The following NOVA1 variants were observed in gnomAD, a reference collection of about 807,000 sequenced individuals.
NOVA1 encodes RNA-binding protein Nova-1.
In NOVA1, 7 loss-of-function variants were observed where a neutral mutation model predicts 38.0. The observed-to-expected ratio is 0.18, with a 90% CI of 0.10 to 0.35. NOVA1 has a LOEUF of 0.35. Ranked by LOEUF, NOVA1 falls within the 10% of genes least tolerant of loss-of-function variation. The probability of loss-of-function intolerance (pLI) is 1.00; values close to 1 mark genes in which losing one functional copy is unlikely to be tolerated. For synonymous variants in NOVA1, 270 were observed against 232.5 expected (o/e 1.16, Z -1.47); for missense variants, 460 against 616.0 (o/e 0.75, Z 2.68).
In NOVA1 at chr14:26,448,664, T is replaced by C; in HGVS notation, c.819A>G (p.Ala273=). Residue 273 remains alanine, a synonymous_variant, in exon 5 of 5, where the codon GCA becomes GCG. Coordinates refer to ENST00000539517, the MANE Select transcript of NOVA1 (RefSeq NM_002515.3). This position sits in a 1 kb window ranked among gnomAD's most constrained non-coding sequence, Gnocchi z 5.3. The stretch of plus-strand genomic sequence containing the variant: ...CAGTTGGTAACACTTCAGCAGTGTT[T>C]GCATAAGGAGATCCGGTTGGATTGG... ...ANSNPTGSPY[A]NTAEVLPTAA... 6.2e-7 allele frequency: 1 copy of C among 1,614,204 alleles called. No homozygotes were observed.
intron 4 of NOVA1, among the ~76,000 whole-genome samples, chr14:26,455,704 A>G (rs1330418580): frequency 6.7e-6 from 1 of 150,216 alleles, no homozygotes; most frequent in Non-Finnish European, 1.5e-5. Context: ...AGAAAAATAG[A>G]AAAAAAAAAT....
intron 2 of NOVA1, among the ~76,000 whole-genome samples, chr14:26,513,226 A>G (rs1185691458): frequency 6.6e-6 from 1 of 152,020 alleles, no homozygotes; most frequent in African/African-American, 2.4e-5. Flanking sequence ...TTGTTTTAAA[A>G]TGAATGTAAT....
intron 2 of NOVA1, among the ~76,000 whole-genome samples, chr14:26,570,103 T>C (rs748688006): frequency 6.6e-6 from 1 of 152,076 alleles, no homozygotes; most frequent in Non-Finnish European, 1.5e-5. Flanking sequence ...TCCCAATACC[T>C]TGGGAAGCAG....
Position 26,448,947 on chromosome 14 carries a change from G to T in NOVA1, c.536C>A (p.Pro179His). ...SRANQVKIIV[P>H]NSTAGLIIGK... ...TATTATCAGACCTGCTGTGCTGTTG[G>T]GAACTATAATCTTTACCTGTAATTA... is the stretch of plus-strand genomic sequence containing the variant. The change falls in exon 5 of 5, where the codon CCC becomes CAC. Residue 179 changes from proline (P) to histidine (H), a missense_variant. Coordinates refer to ENST00000539517, the MANE Select transcript of NOVA1 (RefSeq NM_002515.3). This position sits in a 1 kb window ranked among gnomAD's most constrained non-coding sequence, Gnocchi z 5.3. 1 of 1,610,460 alleles carries T rather than the reference G, an allele frequency of 6.2e-7. No homozygotes were observed. Among genetic ancestry groups the T allele is most frequent in the Non-Finnish European group, 8.5e-7 (1 of 1,178,186 alleles).
chr14:26,566,572 C>T lies in NOVA1; in HGVS notation c.280+28838G>A, dbSNP rs529596353. On this transcript the variant is annotated intron_variant, in intron 2 of 4. Coordinates refer to ENST00000539517, the MANE Select transcript of NOVA1 (RefSeq NM_002515.3). ...ATTATTATTATCATTATTACTATTT[C>T]ACTACATCTTCCTTATCATCTATTA... 2.0e-5 allele frequency among the ~76,000 whole-genome samples: 3 copies of T among 152,082 alleles called. No homozygotes were observed. In the South Asian group the frequency reaches 6.2e-4, roughly 32 times the overall value.
chr14:26,507,184 A>G (rs957177847), intron 2 of NOVA1, among the ~76,000 whole-genome samples: 6 of 152,162 alleles, frequency 3.9e-5, no homozygotes, highest in African/African-American at 1.4e-4. Flanking sequence ...GAACATTAAG[A>G]AATCCACTTA....
At chr14:26,459,951 C>T (rs1883512523) in intron 4 of NOVA1, among the ~76,000 whole-genome samples, 1 of 151,694 alleles carries the variant, frequency 6.6e-6, no homozygotes, top group Non-Finnish European at 1.5e-5. Context: ...GTCTGATGTG[C>T]CATATTTTTG....
intron 4 of NOVA1, among the ~76,000 whole-genome samples, chr14:26,458,487 A>C (rs1159391421): frequency 6.6e-6 from 1 of 152,184 alleles, no homozygotes; most frequent in Admixed American, 6.6e-5. Context: ...ACTATGGAAT[A>C]CTATACAGTT....
intron 2 of NOVA1, among the ~76,000 whole-genome samples, chr14:26,585,875 A>T (rs1351169658): frequency 6.6e-6 from 1 of 151,308 alleles, no homozygotes; most frequent in African/African-American, 2.4e-5. Flanking sequence ...TGTTCATTTA[A>T]ATTTCTAAAT....
At chr14:26,583,783 G>C (rs1349169447) in intron 2 of NOVA1, among the ~76,000 whole-genome samples, 1 of 151,130 alleles carries the variant, frequency 6.6e-6, no homozygotes, top group Non-Finnish European at 1.5e-5. Context: ...TTACATAACA[G>C]AGAATCCACT....
intron 2 of NOVA1, among the ~76,000 whole-genome samples, chr14:26,512,622 C>A (rs1369917745): frequency 6.6e-6 from 1 of 152,052 alleles, no homozygotes; most frequent in East Asian, 1.9e-4. Context: ...ATATTACCCA[C>A]ACTAAAAGCT....
At chr14:26,553,917 T>A (rs1891318771) in intron 2 of NOVA1, among the ~76,000 whole-genome samples, 1 of 151,518 alleles carries the variant, frequency 6.6e-6, no homozygotes, top group Non-Finnish European at 1.5e-5. Flanking sequence ...AGGGCTGAGG[T>A]GGGCGGATCA....
intron 2 of NOVA1, among the ~76,000 whole-genome samples, chr14:26,503,160 T>C (rs1887367131): frequency 6.6e-6 from 1 of 152,088 alleles, no homozygotes; most frequent in African/African-American, 2.4e-5. Context: ...GCAACATATG[T>C]AATAAATGTT....
chr14:26,473,159 G>T (rs1401498276), intron 3 of NOVA1, among the ~76,000 whole-genome samples: 1 of 151,336 alleles, frequency 6.6e-6, no homozygotes, highest in African/African-American at 2.4e-5. Flanking sequence ...AAAATATTAG[G>T]AATCATATTT....
chr14:26,596,009 A>C (rs1048188377), intron 1 of NOVA1: 2 of 321,584 alleles, frequency 6.2e-6, no homozygotes, highest in South Asian at 5.6e-5. Flanking sequence ...ATTTGTCATT[A>C]GCAGACACAT....
At chr14:26,504,145 C>T (rs543432301) in intron 2 of NOVA1, among the ~76,000 whole-genome samples, 3 of 152,092 alleles carry the variant, frequency 2.0e-5, no homozygotes, top group Non-Finnish European at 4.4e-5. Context: ...AAGTACCATT[C>T]GCTTGTAGAA....
At chr14:26,451,365 T>A (rs571129638) in intron 4 of NOVA1, among the ~76,000 whole-genome samples, 1 of 152,214 alleles carries the variant, frequency 6.6e-6, no homozygotes, top group East Asian at 1.9e-4. Context: ...TATTTTTATT[T>A]ATTTATTTAT....
At chr14:26,557,874 C>A (rs1891589759) in intron 2 of NOVA1, among the ~76,000 whole-genome samples, 1 of 151,530 alleles carries the variant, frequency 6.6e-6, no homozygotes, top group Non-Finnish European at 1.5e-5. Context: ...CCCTACAATA[C>A]AGGTGGATGG....
At chr14:26,467,382 T>G (rs1213269305) in intron 4 of NOVA1, among the ~76,000 whole-genome samples, 4 of 152,144 alleles carry the variant, frequency 2.6e-5, no homozygotes, top group African/African-American at 9.7e-5. Flanking sequence ...GCAAAGAGTT[T>G]TGGTGGAATG....
Sources: gnomAD v4.1 joint callset for allele counts (sites outside exome capture counted in the v4.1 genomes callset) on GRCh38, gnomAD v4.1.1 for gene constraint, Gnocchi (gnomAD v3.1) non-coding constraint, MANE v1.5 for transcripts, NCBI Gene and HGNC (gene_info 2026-07-23, HGNC 2026-07-21) for gene names.